The following PCDHGA6 variants were observed in gnomAD, a reference collection of about 807,000 sequenced individuals.
PCDHGA6 encodes the protein protocadherin gamma-A6.
In PCDHGA6, 41 loss-of-function variants were observed where a neutral mutation model predicts 60.6. The ratio of observed to expected loss-of-function variants is 0.68; its 90% CI spans 0.53 to 0.88. The LOEUF is 0.88. Among genes scored for constraint, PCDHGA6 ranks in the 40% least tolerant of loss-of-function variants. PCDHGA6 has a pLI of 0.00. For missense variants in PCDHGA6, 1,312 were observed against 1,203.0 expected (o/e 1.09, Z -1.34); for synonymous variants, 594 against 524.4 (o/e 1.13, Z -1.81).
chr5:141,409,125 AT>A, intron 1 of PCDHGA6: 1 of 1,613,982 alleles, frequency 6.2e-7, no homozygotes, highest in Non-Finnish European at 8.5e-7. Context: ...CAGTCATTTG[AT>A]TTTGAAGATG....
Position 141,476,556 on chromosome 5 carries a change from C to A in PCDHGA6, c.2425-18251C>A. 1 of 1,614,234 alleles carries A rather than the reference C, an allele frequency of 6.2e-7. No homozygotes were observed. Among genetic ancestry groups the A allele is most frequent in the Non-Finnish European group, 8.5e-7 (1 of 1,180,036 alleles). ...GAAATGAAATTGGAGATTAGCGAGG[C>A]CGTGGCTCCGGGGACGCGCTTTCCG... On this transcript the variant is annotated intron_variant, in intron 1 of 3. Coordinates refer to ENST00000517434, the MANE Select transcript of PCDHGA6 (RefSeq NM_018919.3). The surrounding 1 kb of genome is among the most constrained non-coding windows in gnomAD (Gnocchi z 7.6).
chr5:141,491,542 G>T lies in PCDHGA6; in HGVS notation c.2425-3265G>T, dbSNP rs112433306. The T allele has an allele frequency of 6.2e-7, 1 of 1,613,898 alleles. No homozygotes were observed. Among genetic ancestry groups the T allele is most frequent in the Admixed American group, 1.7e-5 (1 of 60,006 alleles). On this transcript the variant is annotated intron_variant, in intron 1 of 3. Transcript: ENST00000517434. This position sits in a 1 kb window ranked among gnomAD's most constrained non-coding sequence, Gnocchi z 6.9. ...CATGGAGGTGACGCTGCGGCCCACA[G>T]ACTCGCAGAGCCACTGCTACAGGAC...
chr5:141,419,465 G>T, intron 1 of PCDHGA6: 2 of 1,612,542 alleles, frequency 1.2e-6, no homozygotes, highest in Non-Finnish European at 1.7e-6. Context: ...GCAGGCCCGC[G>T]ACCAGGGCTC....
intron 1 of PCDHGA6, among the ~76,000 whole-genome samples, chr5:141,456,379 C>A (rs181915740): frequency 1.3e-5 from 2 of 152,162 alleles, no homozygotes; most frequent in East Asian, 3.9e-4. Context: ...GTTTACAGCA[C>A]CGTTTGGAGT....
intron 1 of PCDHGA6, chr5:141,423,540 C>T (rs961504938): frequency 6.2e-7 from 1 of 1,613,606 alleles, no homozygotes; most frequent in Non-Finnish European, 8.5e-7. Context: ...ACCTGATTTT[C>T]CCCCAGCCCA....
Position 141,490,760 on chromosome 5 carries a change from T to G in PCDHGA6, c.2425-4047T>G. 1 of 1,614,070 alleles carries G rather than the reference T, an allele frequency of 6.2e-7. No individual in the cohort carries two copies. On this transcript the variant is annotated intron_variant, in intron 1 of 3. Coordinates refer to ENST00000517434, the MANE Select transcript of PCDHGA6 (RefSeq NM_018919.3). This position sits in a 1 kb window ranked among gnomAD's most constrained non-coding sequence, Gnocchi z 5.4. Reference sequence around the variant, plus strand: ...CAGGGAGCCCCAGCCTCCTCCTTTGTGTATGTCAACCCAGAGGATGGACGG... The same window carrying G: ...CAGGGAGCCCCAGCCTCCTCCTTTGGGTATGTCAACCCAGAGGATGGACGG...
intron 1 of PCDHGA6, among the ~76,000 whole-genome samples, chr5:141,442,910 C>G (rs1419319938): frequency 6.6e-6 from 1 of 152,196 alleles, no homozygotes; most frequent in African/African-American, 2.4e-5. Flanking sequence ...TCCTTCAGCA[C>G]ACAACTGTTT....
Position 141,432,741 on chromosome 5 carries a change from C to A in PCDHGA6, c.2424+56234C>A. 6.2e-7 allele frequency: 1 copy of A among 1,614,106 alleles called. No individual in the cohort carries two copies. The highest frequency in any genetic ancestry group is 8.5e-7 in the Non-Finnish European group (1 of 1,179,988). On this transcript the variant is annotated intron_variant, in intron 1 of 3. Transcript: ENST00000517434. The surrounding 1 kb of genome is among the most constrained non-coding windows in gnomAD (Gnocchi z 6.0). ...CCTCTCTCCGCCACTGTCACGCTCA[C>A]CGTGGCCGTGGCCGACAGCATCCCC...
chr5:141,434,509 T>C (rs1480014539), intron 1 of PCDHGA6, among the ~76,000 whole-genome samples: 3 of 152,232 alleles, frequency 2.0e-5, no homozygotes, highest in Non-Finnish European at 4.4e-5. Context: ...AGAAAACTGC[T>C]TAAAGGTGTT....
chr5:141,374,662 G>C lies in PCDHGA6; in HGVS notation c.579G>C (p.Glu193Asp), dbSNP rs1378135258. Residue 193 changes from glutamate (E) to aspartate (D), a missense_variant, in exon 1 of 4, where the codon GAG (glutamate) becomes GAC (aspartate). Transcript: ENST00000517434. ...AAGCCCATGGGCCCAAGTACCCGGAGCTGGTGCTGGAGGGCACACTGGACC... is the reference window on the plus strand; with the variant it reads ...AAGCCCATGGGCCCAAGTACCCGGACCTGGTGCTGGAGGGCACACTGGACC... ...QSEAHGPKYP[E>D]LVLEGTLDRE... The C allele has an allele frequency of 6.2e-7, 1 of 1,611,648 alleles. No individual in the cohort carries two copies. Among genetic ancestry groups the C allele is most frequent in the South Asian group, 1.1e-5 (1 of 90,840 alleles).
chr5:141,388,936 C>A, intron 1 of PCDHGA6: 4 of 1,613,926 alleles, frequency 2.5e-6, no homozygotes, highest in Non-Finnish European at 3.4e-6. Context: ...CAGTCTCTAC[C>A]CAACCTAATT....
chr5:141,419,589 C>T (rs1187251820), intron 1 of PCDHGA6: 1 of 1,611,856 alleles, frequency 6.2e-7, no homozygotes, highest in Non-Finnish European at 8.5e-7. Flanking sequence ...CTCTTCGACA[C>T]AGTGCCGCGG....
chr5:141,431,609 G>A lies in PCDHGA6; in HGVS notation c.2424+55102G>A. The A allele has an allele frequency of 6.2e-7, 1 of 1,614,232 alleles. No homozygotes were observed. The highest frequency in any genetic ancestry group is 8.5e-7 in the Non-Finnish European group (1 of 1,180,046). On this transcript the variant is annotated intron_variant, in intron 1 of 3. Coordinates refer to ENST00000517434, the MANE Select transcript of PCDHGA6 (RefSeq NM_018919.3). The surrounding 1 kb of genome is among the most constrained non-coding windows in gnomAD (Gnocchi z 4.8). ...GGAAGTGAGGTATTCCTTCCGGTAT[G>A]TGGACGACAAGGCGGCCCAAGTTTT...
chr5:141,403,204 G>C, intron 1 of PCDHGA6: 3 of 1,613,952 alleles, frequency 1.9e-6, no homozygotes, highest in Non-Finnish European at 2.5e-6. Flanking sequence ...GCGGCACCTT[G>C]GTCACCGCGG....
At chr5:141,480,525 A>G (rs191522157) in intron 1 of PCDHGA6, among the ~76,000 whole-genome samples, 131 of 152,310 alleles carry the variant, frequency 8.6e-4, no homozygotes, top group African/African-American at 2.6e-3. Context: ...AAAAATGACA[A>G]AGTAGAAGCA....
intron 1 of PCDHGA6, among the ~76,000 whole-genome samples, chr5:141,482,141 A>C (rs1302783884): frequency 6.6e-6 from 1 of 152,116 alleles, no homozygotes; most frequent in African/African-American, 2.4e-5. Flanking sequence ...GCTGGCATAA[A>C]AAGGTCAAGT....
In PCDHGA6 at chr5:141,494,634, T is replaced by C. The variant is rs917243803; in HGVS notation, c.2425-173T>C. The C allele has an allele frequency of 1.1e-5, 10 of 889,216 alleles. No individual in the cohort carries two copies. In the African/African-American group the frequency reaches 1.8e-4, roughly 16 times the overall value. 55.1% of individuals were successfully genotyped at this position (889,216 alleles called of 1,614,324 possible). A position where few individuals can be genotyped will look rare whatever the true frequency, so the allele number is the denominator to read the frequency against. On this transcript the variant is annotated intron_variant, in intron 1 of 3. Coordinates refer to ENST00000517434, the MANE Select transcript of PCDHGA6 (RefSeq NM_018919.3). ...CTTGGTTTCTGGTACCTCAGACCTC[T>C]GAGACCTGAGGTGTATTTTGTCTTT...
At chr5:141,405,555 G>C in intron 1 of PCDHGA6, 1 of 620,228 alleles carries the variant, frequency 1.6e-6, no homozygotes, top group Non-Finnish European at 2.8e-6. Context: ...AAGTAGAGTA[G>C]CTGGGACTAG....
intron 1 of PCDHGA6, chr5:141,383,593 G>C (rs893791654): frequency 5.6e-6 from 9 of 1,613,726 alleles, no homozygotes; most frequent in Admixed American, 1.7e-5. Flanking sequence ...CCAGGTGACA[G>C]TGGTGGATGT....
Sources: allele counts gnomAD v4.1 joint callset (sites outside exome capture counted in the v4.1 genomes callset), GRCh38; gene constraint gnomAD v4.1.1; non-coding constraint Gnocchi (gnomAD v3.1); transcripts MANE v1.5; gene names NCBI Gene and HGNC (gene_info 2026-07-23, HGNC 2026-07-21).